TULP4: variants seen among roughly 807,000 people sequenced by gnomAD.
TULP4 encodes the protein TUB like protein 4, also known as tubby-related protein 4.
TULP4 carries 16 observed loss-of-function variants against 129.0 expected under a neutral mutation model. The observed-to-expected ratio is 0.12, with a 90% CI of 0.08 to 0.19. TULP4 has a LOEUF of 0.19. Ranked by LOEUF, TULP4 falls within the 10% of genes least tolerant of loss-of-function variation. The pLI, the probability that TULP4 is intolerant of heterozygous loss-of-function variation, is 1.00. For synonymous variants in TULP4, 998 were observed against 854.0 expected, an observed-to-expected ratio of 1.17 and a Z score of -2.94; for missense variants, 1,842 against 2,059.1, an observed-to-expected ratio of 0.89 and a Z score of 2.04.
chr6:158,442,864 A>G (rs1236680019), intron 3 of TULP4, among the ~76,000 whole-genome samples: 1 of 150,976 alleles, frequency 6.6e-6, no homozygotes, highest in Admixed American at 6.6e-5. Context: ...AGGCTCCTAG[A>G]GTGCAATGGC....
intron 1 of TULP4, among the ~76,000 whole-genome samples, chr6:158,293,533 A>T (rs1778979192): frequency 6.6e-6 from 1 of 152,198 alleles, no homozygotes; most frequent in Non-Finnish European, 1.5e-5. Context: ...TTAAATAAAA[A>T]ATTACCTCTA....
At chr6:158,391,123 T>C (rs1777575046) in intron 1 of TULP4, among the ~76,000 whole-genome samples, 1 of 152,116 alleles carries the variant, frequency 6.6e-6, no homozygotes, top group African/African-American at 2.4e-5. Context: ...AATGAAAACA[T>C]TTGAAATAAT....
chr6:158,237,461 C>T (rs1464603388), intron 1 of TULP4: 2 of 1,544,834 alleles, frequency 1.3e-6, no homozygotes, highest in Non-Finnish European at 1.8e-6. Context: ...AGTGTCGCTG[C>T]ACTGCCAGGT....
chr6:158,247,679 A>G (rs34121873), intron 1 of TULP4, among the ~76,000 whole-genome samples: 1,819 of 152,356 alleles, frequency 0.012, 13 homozygotes, highest in Non-Finnish European at 0.019. Flanking sequence ...TTACAGGACC[A>G]TGTTGTTCTC....
intron 6 of TULP4, among the ~76,000 whole-genome samples, chr6:158,478,716 C>G (rs28684964): frequency 1.3e-5 from 2 of 152,168 alleles, no homozygotes; most frequent in African/African-American, 4.8e-5. Flanking sequence ...CTGTCTGGAT[C>G]GGAATGAACA....
Position 158,264,414 on chromosome 6 carries a change from C to T in TULP4, n.68+32111C>T, listed in dbSNP as rs984134581. ...CATACCAAAATCTACTTTATTTGCA[C>T]ATCAGTCATAAAGGTGTTTTACCCA... is the stretch of plus-strand genomic sequence containing the variant. On this transcript the variant is annotated intron_variant and non_coding_transcript_variant, in intron 1 of 1. Coordinates refer to the TULP4 transcript ENST00000620026. 4.6e-5 allele frequency among the ~76,000 whole-genome samples: 7 copies of T among 152,260 alleles called. No homozygotes were observed. In the East Asian group the frequency reaches 1.4e-3, roughly 29 times the overall value.
chr6:158,265,217 C>T lies in TULP4; in HGVS notation n.68+32914C>T, dbSNP rs796910855. 2.0e-5 allele frequency among the ~76,000 whole-genome samples: 3 copies of T among 152,194 alleles called. No individual in the cohort carries two copies. In the South Asian group the frequency reaches 6.2e-4, roughly 31 times the overall value. ...GCCAGGTCTCTCAGCCAGGAAATAG[C>T]AGGTTAGCCAGAACCTGTCTTCTGA... is the stretch of plus-strand genomic sequence containing the variant. On this transcript the variant is annotated intron_variant and non_coding_transcript_variant, in intron 1 of 1. Coordinates refer to the TULP4 transcript ENST00000620026.
intron 1 of TULP4, among the ~76,000 whole-genome samples, chr6:158,376,541 C>T (rs1220217264): frequency 6.6e-6 from 1 of 152,192 alleles, no homozygotes; most frequent in African/African-American, 2.4e-5. Context: ...GTCAGAAGCC[C>T]ACCAGATTCA....
chr6:158,358,431 T>C (rs1179266429), intron 1 of TULP4, among the ~76,000 whole-genome samples: 1 of 152,252 alleles, frequency 6.6e-6, no homozygotes, highest in Non-Finnish European at 1.5e-5. Flanking sequence ...CTTTATTTAA[T>C]TGAATTGCTT....
At chr6:158,261,165 A>G (rs532346820) in intron 1 of TULP4, among the ~76,000 whole-genome samples, 1 of 152,202 alleles carries the variant, frequency 6.6e-6, no homozygotes, top group Non-Finnish European at 1.5e-5. Flanking sequence ...ATTTTCTGGC[A>G]TGATAAAAAC....
At chr6:158,403,465 G>C (rs1157010169) in intron 1 of TULP4, among the ~76,000 whole-genome samples, 8 of 152,112 alleles carry the variant, frequency 5.3e-5, no homozygotes, top group Non-Finnish European at 8.8e-5. Context: ...TTAGCGTCCC[G>C]AGTAGCTGGG....
At position 158,502,543 on chromosome 6, in the gene TULP4, G is replaced by T; in HGVS notation, c.2880G>T (p.Pro960=). The T allele has an allele frequency of 6.2e-7, 1 of 1,609,272 alleles. No individual in the cohort carries two copies. The highest frequency in any genetic ancestry group is 8.5e-7 in the Non-Finnish European group (1 of 1,179,906). ...RYSIPTGDPP[P]YPEIASQLAQ... ...CCATCCCCACCGGGGACCCACCCCCGTATCCTGAAATTGCCAGCCAGCTGG... is the reference window on the plus strand; with the variant it reads ...CCATCCCCACCGGGGACCCACCCCCTTATCCTGAAATTGCCAGCCAGCTGG... The change falls in exon 13 of 14, where the codon CCG becomes CCT. Residue 960 remains proline, a synonymous_variant. Transcript: ENST00000367097.
chr6:158,283,098 C>G lies in TULP4; in HGVS notation n.116+720C>G, dbSNP rs529176509. ...AGGTTGCAGTGAGCTGACATCCCAC[C>G]ACTGCACTGCAGCCTGGGTGACAGA... On this transcript the variant is annotated intron_variant and non_coding_transcript_variant, in intron 1 of 1. Coordinates refer to the TULP4 transcript ENST00000432358. Among the ~76,000 whole-genome samples, 9 of 150,704 alleles carry G rather than the reference C, an allele frequency of 6.0e-5. 1 individual carries two copies. The South Asian group carries it at 1.9e-3, about 32-fold the overall frequency.
Position 158,503,300 on chromosome 6 carries a change from C to T in TULP4, c.3637C>T (p.Leu1213=). The change falls in exon 13 of 14, where the codon CTG becomes TTG. Residue 1213 remains leucine (L), a synonymous_variant. Transcript: ENST00000367097. The surrounding 1 kb of genome is among the most constrained non-coding windows in gnomAD (Gnocchi z 4.3). ...VQAPCSPKDA[L]SPTQFAQQEP... ...GGCTCCCTGCTCTCCCAAAGATGCC[C>T]TGTCCCCAACGCAGTTTGCACAACA... 6.2e-6 allele frequency: 10 copies of T among 1,613,936 alleles called. No homozygotes were observed. Among genetic ancestry groups the T allele is most frequent in the Non-Finnish European group, 7.6e-6 (9 of 1,180,000 alleles).
At chr6:158,342,297 CTCTT>C (rs1356870536) in intron 1 of TULP4, among the ~76,000 whole-genome samples, 20 of 152,312 alleles carry the variant, frequency 1.3e-4, no homozygotes, top group Admixed American at 3.3e-4. Context: ...CTTTGTAAGG[CTCTT>C]TCTATTTTGA....
chr6:158,317,019 C>T (rs1779507149), intron 1 of TULP4, among the ~76,000 whole-genome samples: 1 of 152,156 alleles, frequency 6.6e-6, no homozygotes, highest in African/African-American at 2.4e-5. Flanking sequence ...CCATGCTCAC[C>T]TCCACTCCTG....
At chr6:158,358,594 A>G (rs565802533) in intron 1 of TULP4, among the ~76,000 whole-genome samples, 4 of 152,344 alleles carry the variant, frequency 2.6e-5, no homozygotes, top group South Asian at 2.1e-4. Context: ...AGTATCCTCT[A>G]TAGGCTGGTT....
intron 1 of TULP4, among the ~76,000 whole-genome samples, chr6:158,401,338 T>C (rs530554297): frequency 6.6e-6 from 1 of 152,084 alleles, no homozygotes; most frequent in Non-Finnish European, 1.5e-5. Flanking sequence ...CCTCCCAAAG[T>C]GGTAGAATTA....
intron 1 of TULP4, among the ~76,000 whole-genome samples, chr6:158,352,092 C>G (rs1780538270): frequency 6.6e-6 from 1 of 152,084 alleles, no homozygotes; most frequent in South Asian, 2.1e-4. Context: ...AGAATAAATA[C>G]TGTGTTAGTC....
Sources: allele counts gnomAD v4.1 joint callset (sites outside exome capture counted in the v4.1 genomes callset), GRCh38; gene constraint gnomAD v4.1.1; non-coding constraint Gnocchi (gnomAD v3.1); transcripts MANE v1.5; gene names NCBI Gene and HGNC (gene_info 2026-07-23, HGNC 2026-07-21).